Variants in FILIP1L observed in about 807,000 individuals in gnomAD.
FILIP1L encodes filamin A-interacting protein 1-like.
A neutral mutation model predicts 96.6 loss-of-function variants in FILIP1L; 55 were observed. That is an observed-to-expected ratio of 0.57 (90% CI 0.46 to 0.71). The LOEUF is 0.71. FILIP1L is among the 30% of genes least tolerant of loss of function. The pLI is 0.00. For missense variants in FILIP1L, 1,304 were observed against 1,321.2 expected, an observed-to-expected ratio of 0.99 and a Z score of 0.20; for synonymous variants, 467 against 473.9, an observed-to-expected ratio of 0.99 and a Z score of 0.19.
rs892191542 is a variant in FILIP1L at position 99,829,710 on chromosome 3, C to T, written c.*704G>A. 6.6e-6 allele frequency among the ~76,000 whole-genome samples: 1 copy of T among 152,060 alleles called. No individual in the cohort carries two copies. The highest frequency in any genetic ancestry group is 1.5e-5 in the Non-Finnish European group (1 of 67,994). On this transcript the variant is annotated 3_prime_UTR_variant, in exon 6 of 6. Transcript: ENST00000477258. The stretch of plus-strand genomic sequence containing the variant: ...ACAATGTCCTGTGAGATGATAAATT[C>T]TGTATTTTTTCAAGCACCTGGAATA...
chr3:99,948,999 A>T (rs1250976492), intron 1 of FILIP1L, among the ~76,000 whole-genome samples: 1 of 152,168 alleles, frequency 6.6e-6, no homozygotes, highest in Admixed American at 6.6e-5. Flanking sequence ...TTCTTTCAAG[A>T]TATATCCAGA....
intron 1 of FILIP1L, among the ~76,000 whole-genome samples, chr3:100,020,450 C>T (rs190183017): frequency 2.6e-5 from 4 of 152,260 alleles, no homozygotes; most frequent in Admixed American, 1.3e-4. Context: ...AAAATACATG[C>T]TGTCAGCCTA....
intron 1 of FILIP1L, among the ~76,000 whole-genome samples, chr3:99,990,625 A>C (rs986672776): frequency 6.6e-6 from 1 of 152,180 alleles, no homozygotes; most frequent in Admixed American, 6.5e-5. Context: ...AAACCAATTA[A>C]ATCAGAATCT....
chr3:99,887,494 T>G (rs965992062), intron 4 of FILIP1L, among the ~76,000 whole-genome samples: 1 of 152,154 alleles, frequency 6.6e-6, no homozygotes, highest in Non-Finnish European at 1.5e-5. Context: ...AGAGGTCACA[T>G]AAGATGGATC....
intron 1 of FILIP1L, among the ~76,000 whole-genome samples, chr3:100,068,039 C>A (rs912712596): frequency 6.6e-6 from 1 of 152,100 alleles, no homozygotes; most frequent in Non-Finnish European, 1.5e-5. Flanking sequence ...TCAAGCCAAC[C>A]TGGATCCACC....
intron 1 of FILIP1L, among the ~76,000 whole-genome samples, chr3:99,992,976 G>A (rs1388490851): frequency 6.6e-6 from 1 of 151,836 alleles, no homozygotes; most frequent in Non-Finnish European, 1.5e-5. Context: ...TTGGTTGTAG[G>A]TATGCGGCCG....
chr3:99,877,953 C>T (rs952514658), intron 4 of FILIP1L, among the ~76,000 whole-genome samples: 5 of 152,156 alleles, frequency 3.3e-5, no homozygotes, highest in Non-Finnish European at 7.4e-5. Context: ...TTGTTTCTTT[C>T]TCACATATCC....
rs192005854 is a variant in FILIP1L at position 99,906,961 on chromosome 3, G to A, written c.605+17269C>T. 3.5e-4 allele frequency among the ~76,000 whole-genome samples: 53 copies of A among 152,272 alleles called. 1 individual carries two copies. Among genetic ancestry groups the A allele is most frequent in the East Asian group, 3.5e-3 (18 of 5,192 alleles). On this transcript the variant is annotated intron_variant, in intron 4 of 5. Coordinates refer to ENST00000477258, the MANE Select transcript of FILIP1L (RefSeq NM_001387850.1). Reference sequence around the variant, plus strand: ...TCTGAATGGTTTCATGGAGCAGAACGACTTTTAAGTTTATTTAAATAATAT... The same window carrying A: ...TCTGAATGGTTTCATGGAGCAGAACAACTTTTAAGTTTATTTAAATAATAT...
chr3:99,922,779 T>C (rs576598377), intron 4 of FILIP1L, among the ~76,000 whole-genome samples: 1 of 152,346 alleles, frequency 6.6e-6, no homozygotes, highest in Admixed American at 6.5e-5. Flanking sequence ...ACCCTACATA[T>C]GGTTAGAAAA....
intron 1 of FILIP1L, among the ~76,000 whole-genome samples, chr3:99,962,918 TG>T (rs1232739467): frequency 6.6e-6 from 1 of 152,226 alleles, no homozygotes; most frequent in Non-Finnish European, 1.5e-5. Flanking sequence ...GGAATGTTCA[TG>T]GCCGAGATAA....
intron 1 of FILIP1L, among the ~76,000 whole-genome samples, chr3:100,057,219 A>G (rs2065479888): frequency 6.6e-6 from 1 of 152,044 alleles, no homozygotes; most frequent in Non-Finnish European, 1.5e-5. Flanking sequence ...GTGACTAAAG[A>G]CCCGTCCCGT....
At chr3:99,924,558 G>A (rs1215919771) in intron 3 of FILIP1L, 150 bp from the exon 4 acceptor site, 1 of 775,642 alleles carries the variant, frequency 1.3e-6, no homozygotes, top group Non-Finnish European at 2.1e-6. Flanking sequence ...CGCTGTCGTT[G>A]CCCAGGCTGG....
At chr3:100,012,002 A>G (rs1055118189) in intron 1 of FILIP1L, among the ~76,000 whole-genome samples, 2 of 152,212 alleles carry the variant, frequency 1.3e-5, no homozygotes, top group Admixed American at 1.3e-4. Context: ...TAATTCCCAT[A>G]TCAATTATCA....
chr3:99,947,170 T>G (rs966039450), intron 1 of FILIP1L, among the ~76,000 whole-genome samples: 1 of 149,998 alleles, frequency 6.7e-6, no homozygotes, highest in African/African-American at 2.5e-5. Context: ...AATAATATAT[T>G]CAGCACTGAA....
At chr3:99,902,653 C>A (rs1178045323) in intron 4 of FILIP1L, among the ~76,000 whole-genome samples, 2 of 152,178 alleles carry the variant, frequency 1.3e-5, no homozygotes, top group African/African-American at 4.8e-5. Flanking sequence ...AAAAGATTAA[C>A]AAGTCAACAA....
intron 1 of FILIP1L, among the ~76,000 whole-genome samples, chr3:99,984,042 A>G (rs555568596): frequency 1.9e-4 from 3 of 15,522 alleles, no homozygotes; most frequent in African/African-American, 1.3e-3. Context: ...ATGAAAAAGG[A>G]TGTATATGTA....
rs115434368 is a variant in FILIP1L, at chr3:100,057,920, C to T, written c.-11+56133G>A. On this transcript the variant is annotated intron_variant, in intron 1 of 5. Coordinates refer to ENST00000477258, the MANE Select transcript of FILIP1L (RefSeq NM_001387850.1). ...AAGATCCTGATGACCTTTTACCCAA[C>T]TAACTGACTGTCTAAATCTTTCGAC... is the stretch of plus-strand genomic sequence containing the variant. Among the ~76,000 whole-genome samples the T allele has an allele frequency of 6.1e-3, 935 of 152,268 alleles. 6 individuals are homozygous for T. The highest frequency in any genetic ancestry group is 0.018 in the African/African-American group (742 of 41,560).
intron 4 of FILIP1L, among the ~76,000 whole-genome samples, chr3:99,886,119 A>G (rs557984472): frequency 2.0e-5 from 3 of 152,382 alleles, no homozygotes; most frequent in African/African-American, 4.8e-5. Context: ...ACACGTGCAC[A>G]TGGACGTGAG....
chr3:99,834,943 G>A (rs6788894), intron 5 of FILIP1L, among the ~76,000 whole-genome samples: 9,575 of 152,274 alleles, frequency 0.063, 373 homozygotes, highest in Middle Eastern at 0.085. Flanking sequence ...TAGAGATATT[G>A]TGTAATAAAG....
Sources: allele counts gnomAD v4.1 joint callset (sites outside exome capture counted in the v4.1 genomes callset), GRCh38; gene constraint gnomAD v4.1.1; transcripts MANE v1.5; gene names NCBI Gene and HGNC (gene_info 2026-07-23, HGNC 2026-07-21).